Variants in IRAK1BP1 observed in about 807,000 individuals in gnomAD.
IRAK1BP1 encodes interleukin 1 receptor associated kinase 1 binding protein 1, also known as interleukin-1 receptor-associated kinase 1-binding protein 1.
In IRAK1BP1, 24 loss-of-function variants were observed where a neutral mutation model predicts 28.0. The observed-to-expected ratio is 0.86, with a 90% CI of 0.62 to 1.20. The LOEUF is 1.20. IRAK1BP1 is among the 50% of genes most tolerant of loss of function. IRAK1BP1 has a pLI of 0.00. For synonymous variants in IRAK1BP1, 131 were observed against 116.3 expected (o/e 1.13, Z -0.81); for missense variants, 336 against 316.7 (o/e 1.06, Z -0.46).
Position 78,931,203 on chromosome 6 carries a change from C to T in IRAK1BP1, c.*68-14205C>T, listed in dbSNP as rs138946095. Among the ~76,000 whole-genome samples the T allele has an allele frequency of 6.3e-4, 96 of 152,140 alleles. 1 individual carries two copies. In the South Asian group the frequency reaches 8.1e-3, roughly 13 times the overall value. ...ATTACTTTAGCCCAGGAGTTTGAGA[C>T]CAGCATGGGAAACACAGTGAAATTC... On this transcript the variant is annotated intron_variant and NMD_transcript_variant, in intron 4 of 4. Transcript: ENST00000606868.
intron 4 of IRAK1BP1, among the ~76,000 whole-genome samples, chr6:78,931,404 C>T (rs1034447482): frequency 1.3e-5 from 2 of 151,976 alleles, no homozygotes; most frequent in African/African-American, 4.8e-5. Flanking sequence ...GAGAGAGACC[C>T]TGTCTCAAAA....
exon 5 of IRAK1BP1, chr6:78,945,964 T>A (rs1582081598): frequency 6.8e-7 from 1 of 1,467,618 alleles, no homozygotes; most frequent in Non-Finnish European, 9.4e-7. Context: ...ATTAAGAAAA[T>A]CATCATATAC....
intron 4 of IRAK1BP1, among the ~76,000 whole-genome samples, chr6:78,926,910 T>C (rs936783127): frequency 6.6e-6 from 1 of 152,154 alleles, no homozygotes; most frequent in Admixed American, 6.6e-5. Context: ...AGTACTCCAT[T>C]GTGTATATGT....
downstream of IRAK1BP1, among the ~76,000 whole-genome samples, chr6:78,904,302 ATTGGATCAGCT>A (rs1772203664): frequency 6.6e-6 from 1 of 152,192 alleles, no homozygotes; most frequent in African/African-American, 2.4e-5. Context: ...TTTCAAGCTT[ATTGGATCAGCT>A]ATAAGTGTGT....
At chr6:78,883,156 G>C (rs1771291645) in intron 1 of IRAK1BP1, among the ~76,000 whole-genome samples, 1 of 152,096 alleles carries the variant, frequency 6.6e-6, no homozygotes, top group Admixed American at 6.6e-5. Context: ...AGCTACTCAG[G>C]AGGCTGAGGC....
At chr6:78,921,774 G>A (rs1772737840) in intron 4 of IRAK1BP1, among the ~76,000 whole-genome samples, 1 of 152,184 alleles carries the variant, frequency 6.6e-6, no homozygotes, top group African/African-American at 2.4e-5. Context: ...ACCAATATCT[G>A]CTGTTCTGCA....
intron 4 of IRAK1BP1, among the ~76,000 whole-genome samples, chr6:78,912,305 G>A (rs1055692785): frequency 2.0e-5 from 3 of 152,110 alleles, no homozygotes; most frequent in African/African-American, 7.2e-5. Flanking sequence ...AAAGAAAGTG[G>A]AAGGGGTAGC....
the IRAK1BP1 span, among the ~76,000 whole-genome samples, chr6:78,971,679 T>C: frequency 6.6e-6 from 1 of 152,132 alleles, no homozygotes; most frequent in South Asian, 2.1e-4. Context: ...GCGCACCGTG[T>C]GCGAGCCGAA....
intron 4 of IRAK1BP1, among the ~76,000 whole-genome samples, chr6:78,919,976 T>C (rs1772675766): frequency 6.6e-6 from 1 of 152,032 alleles, no homozygotes; most frequent in Non-Finnish European, 1.5e-5. Context: ...TTAATTTTGG[T>C]GGGGCGTGGT....
the IRAK1BP1 span, among the ~76,000 whole-genome samples, chr6:78,973,220 A>G: frequency 6.6e-6 from 1 of 152,100 alleles, no homozygotes; most frequent in African/African-American, 2.4e-5. Flanking sequence ...GGGGGCCAAT[A>G]TTCAACATTC....
At chr6:78,970,677 C>T in the IRAK1BP1 span, 1 of 705,140 alleles carries the variant, frequency 1.4e-6, no homozygotes, top group Non-Finnish European at 2.4e-6. Context: ...AAGGTATCTT[C>T]ATGATGCAGT....
At chr6:78,973,359 C>G in the IRAK1BP1 span, among the ~76,000 whole-genome samples, 1 of 147,736 alleles carries the variant, frequency 6.8e-6, no homozygotes, top group Non-Finnish European at 1.5e-5. Context: ...GCCTGCCCTA[C>G]AAGAGCTCCT....
At position 78,899,919 on chromosome 6, in the gene IRAK1BP1, C is replaced by T. The variant is rs922201563; in HGVS notation, c.*1585C>T. The stretch of plus-strand genomic sequence containing the variant: ...CAGTGTATATTTTTACATAATAGCA[C>T]ATCTCAATTCACATGCTAAATTTTC... On this transcript the variant is annotated 3_prime_UTR_variant, in exon 4 of 4. Coordinates refer to ENST00000369940, the MANE Select transcript of IRAK1BP1 (RefSeq NM_001010844.4). 2 of 152,008 alleles carry T rather than the reference C, an allele frequency of 1.3e-5. No homozygotes were observed. Among genetic ancestry groups the T allele is most frequent in the Non-Finnish European group, 2.9e-5 (2 of 68,018 alleles). 9.4% of individuals were successfully genotyped at this position (152,008 alleles called of 1,614,324 possible). A position where few individuals can be genotyped will look rare whatever the true frequency, so the allele number is the denominator to read the frequency against.
chr6:78,932,669 T>C (rs890623697), intron 4 of IRAK1BP1, among the ~76,000 whole-genome samples: 2 of 152,130 alleles, frequency 1.3e-5, no homozygotes, highest in Admixed American at 6.5e-5. Context: ...TCCACCCACC[T>C]TGGACTCCTA....
chr6:78,931,148 C>T (rs1268963047), intron 4 of IRAK1BP1, among the ~76,000 whole-genome samples: 1 of 152,002 alleles, frequency 6.6e-6, no homozygotes, highest in East Asian at 1.9e-4. Flanking sequence ...TGCATGTAAT[C>T]TTAGCACATT....
At chr6:78,920,977 G>A (rs544599272) in intron 4 of IRAK1BP1, among the ~76,000 whole-genome samples, 49 of 152,252 alleles carry the variant, frequency 3.2e-4, no homozygotes, top group African/African-American at 1.1e-3. Context: ...GAACAGCTCC[G>A]GTCTACAGCT....
rs776690162 is a variant in IRAK1BP1, at chr6:78,885,448, G to GTGCT, written c.381+6_381+7insGCTT. On this transcript the variant is annotated splice_donor_region_variant and intron_variant, in intron 2 of 3. Coordinates refer to ENST00000369940, the MANE Select transcript of IRAK1BP1 (RefSeq NM_001010844.4). ...GCTTATCACATGGAAGCAGAGGTAT[G>GTGCT]TACTTAACAAATAATTGGAAGCAGC... 229 of 1,159,792 alleles carry GTGCT rather than the reference G, an allele frequency of 2.0e-4. 1 individual carries two copies. The highest frequency in any genetic ancestry group is 2.0e-4 in the Middle Eastern group (1 of 5,060). 71.8% of individuals were successfully genotyped at this position (1,159,792 alleles called of 1,614,324 possible).
chr6:78,949,764 C>T (rs1203509119), downstream of IRAK1BP1, among the ~76,000 whole-genome samples: 1 of 152,022 alleles, frequency 6.6e-6, no homozygotes, highest in Non-Finnish European at 1.5e-5. Context: ...TCTTGGCTCA[C>T]TGCAATGTCT....
At chr6:78,944,053 T>C (rs1773666021) in intron 4 of IRAK1BP1, among the ~76,000 whole-genome samples, 2 of 146,538 alleles carry the variant, frequency 1.4e-5, no homozygotes, top group Admixed American at 6.8e-5. Context: ...AGGAGAAGAC[T>C]TCCTAAAGAA....
Sources: gnomAD v4.1 joint callset for allele counts (sites outside exome capture counted in the v4.1 genomes callset) on GRCh38, gnomAD v4.1.1 for gene constraint, MANE v1.5 for transcripts, NCBI Gene and HGNC (gene_info 2026-07-23, HGNC 2026-07-21) for gene names.